IQSEC1: variants seen among roughly 807,000 people sequenced by gnomAD.
The protein encoded by IQSEC1 is IQ motif and Sec7 domain ArfGEF 1.
A neutral mutation model predicts 91.0 loss-of-function variants in IQSEC1; 31 were observed. The observed-to-expected ratio is 0.34, with a 90% confidence interval of 0.26 to 0.46. The LOEUF (loss-of-function observed/expected upper bound fraction) is 0.46. Ranked by LOEUF, IQSEC1 falls within the 20% of genes least tolerant of loss-of-function variation. IQSEC1 has a pLI of 1.00. For synonymous variants in IQSEC1, 699 were observed against 662.6 expected (o/e 1.05, Z -0.84); for missense variants, 1,388 against 1,575.6 (o/e 0.88, Z 2.02).
At chr3:12,964,609 G>A (rs151036723) in intron 1 of IQSEC1, among the ~76,000 whole-genome samples, 151 of 152,290 alleles carry the variant, frequency 9.9e-4, no homozygotes, top group African/African-American at 3.4e-3. Flanking sequence ...ATGAAGCAGT[G>A]TTATCATTCC....
At chr3:12,974,769 A>C (rs923056674) in intron 1 of IQSEC1, among the ~76,000 whole-genome samples, 4 of 152,150 alleles carry the variant, frequency 2.6e-5, no homozygotes, top group African/African-American at 9.7e-5. Context: ...TCAGCCCTTC[A>C]TACTCATCCC....
Position 12,911,716 on chromosome 3 carries a change from A to G in IQSEC1, c.2329T>C (p.Phe777Leu), listed in dbSNP as rs775502906. The part of the protein sequence containing the change: ...FNDLLVVTKI[F>L]QKKKNSVTYS... ...GTCACCGAGTTCTTCTTCTTCTGGA[A>G]GATCTTGGTGACCTAGAGGCAGCCA... The change falls in exon 10 of 14, where the codon TTC becomes CTC. Residue 777 changes from phenylalanine to leucine, a missense_variant. By Grantham distance (22) the Phe-to-Leu change is conservative. Around this residue, in one of 2 missense-constraint regions of IQSEC1, gnomAD observed 1,059 missense variants for 1,317.8 expected, o/e 0.80. Coordinates refer to ENST00000613206, the MANE Select transcript of IQSEC1 (RefSeq NM_001134382.3). The G allele has an allele frequency of 1.2e-6, 2 of 1,612,708 alleles. No individual in the cohort carries two copies. Among genetic ancestry groups the G allele is most frequent in the Non-Finnish European group, 1.7e-6 (2 of 1,179,676 alleles).
chr3:12,901,003 C>A lies in IQSEC1; in HGVS notation c.3325G>T (p.Gly1109Cys), dbSNP rs746398130. 9.1e-6 allele frequency: 14 copies of A among 1,543,590 alleles called. No homozygotes were observed. Among genetic ancestry groups the A allele is most frequent in the Non-Finnish European group, 1.0e-5 (12 of 1,146,022 alleles). The change falls in exon 14 of 14, where the codon GGC becomes TGC. Residue 1109 changes from glycine to cysteine, a missense_variant. Gly to Cys is a radical substitution (Grantham distance 159, BLOSUM62 -3). Around this residue, in one of 2 missense-constraint regions of IQSEC1, gnomAD observed 329 missense variants for 257.8 expected, o/e 1.28. Transcript: ENST00000613206. The part of the protein sequence containing the change: ...PPTSSKAKPS[G>C]ISTIV ...GCTGTCTACACAATTGTGCTGATGC[C>A]GCTGGGTTTGGCCTTGCTGCTGGTG...
chr3:13,277,855 A>C (rs780128904), intron 1 of IQSEC1, among the ~76,000 whole-genome samples: 2 of 152,056 alleles, frequency 1.3e-5, no homozygotes, highest in African/African-American at 2.4e-5. Flanking sequence ...CAGGAAATCC[A>C]ACCTAAGTGC....
At position 12,994,015 on chromosome 3, in the gene IQSEC1, G is replaced by A. The variant is rs370524546; in HGVS notation, c.24-52150C>T. Among the ~76,000 whole-genome samples, 26 of 150,066 alleles carry A rather than the reference G, an allele frequency of 1.7e-4. 1 individual carries two copies. Among genetic ancestry groups the A allele is most frequent in the Admixed American group, 5.3e-4 (8 of 15,098 alleles). On this transcript the variant is annotated intron_variant, in intron 1 of 13. Transcript: ENST00000613206. The surrounding 1 kb of genome is among the most constrained non-coding windows in gnomAD (Gnocchi z 4.5). The stretch of plus-strand genomic sequence containing the variant: ...GGGCATTCCCGGCTGCAGCCCCAGC[G>A]ACCCCCGCCCGGGGCCCCGCACCGC...
At chr3:13,280,472 C>T (rs1211568824) in intron 1 of IQSEC1, among the ~76,000 whole-genome samples, 1 of 152,240 alleles carries the variant, frequency 6.6e-6, no homozygotes, top group Non-Finnish European at 1.5e-5. Flanking sequence ...ATGCCCCCGT[C>T]CCTGTGAGTC....
intron 1 of IQSEC1, among the ~76,000 whole-genome samples, chr3:13,003,123 T>C (rs1476264123): frequency 1.3e-5 from 2 of 152,012 alleles, no homozygotes; most frequent in Non-Finnish European, 2.9e-5. Flanking sequence ...AGTGTATCCA[T>C]ACAATGGAAT....
intron 1 of IQSEC1, among the ~76,000 whole-genome samples, chr3:12,980,649 CG>C (rs1701406154): frequency 1.3e-5 from 2 of 152,272 alleles, no homozygotes; most frequent in Admixed American, 1.3e-4. Context: ...CTGCCATGCA[CG>C]GGGAGGGGAG....
chr3:13,281,424 G>C (rs1049497485), intron 1 of IQSEC1, among the ~76,000 whole-genome samples: 6 of 151,370 alleles, frequency 4.0e-5, no homozygotes. Flanking sequence ...CATTCACAGA[G>C]AGCAAGAGCC....
chr3:13,245,033 C>G (rs555949980), intron 1 of IQSEC1, among the ~76,000 whole-genome samples: 2 of 152,326 alleles, frequency 1.3e-5, no homozygotes, highest in East Asian at 3.9e-4. Context: ...TACAAACAAA[C>G]TGCCCCAAAA....
Position 13,072,334 on chromosome 3 carries a change from C to A in IQSEC1, c.23+658G>T, listed in dbSNP as rs191854345. ...GGAAGCTGGCATTCGAACCCCACTG[C>A]CCCCTGGGAAGCCTGGCTAACCGAA... On this transcript the variant is annotated intron_variant, in intron 1 of 13. Transcript: ENST00000613206. 1.8e-3 allele frequency among the ~76,000 whole-genome samples: 272 copies of A among 152,362 alleles called. 1 individual carries two copies. The highest frequency in any genetic ancestry group is 3.1e-3 in the Non-Finnish European group (211 of 68,034).
intron 1 of IQSEC1, among the ~76,000 whole-genome samples, chr3:13,232,056 A>G (rs1471145507): frequency 1.3e-5 from 2 of 152,206 alleles, no homozygotes; most frequent in East Asian, 1.9e-4. Flanking sequence ...CTTGGATCAT[A>G]ATTCACTTTC....
At chr3:13,088,402 G>A (rs573675129) in intron 2 of IQSEC1, among the ~76,000 whole-genome samples, 6 of 152,110 alleles carry the variant, frequency 3.9e-5, no homozygotes, top group African/African-American at 7.2e-5. Context: ...TTAGTATGCC[G>A]AGGCCCACCA....
At chr3:13,178,371 G>A (rs1306268430) in intron 1 of IQSEC1, among the ~76,000 whole-genome samples, 2 of 152,234 alleles carry the variant, frequency 1.3e-5, no homozygotes, top group African/African-American at 4.8e-5. Context: ...GCCAGGTCAG[G>A]GGTGTGGTCA....
chr3:13,221,781 A>G (rs1474620312), intron 1 of IQSEC1, among the ~76,000 whole-genome samples: 1 of 152,254 alleles, frequency 6.6e-6, no homozygotes. Flanking sequence ...CATCTGCCAC[A>G]AAACCGGGAA....
intron 6 of IQSEC1, among the ~76,000 whole-genome samples, chr3:12,916,309 A>T (rs550038992): frequency 6.6e-6 from 1 of 152,122 alleles, no homozygotes; most frequent in Non-Finnish European, 1.5e-5. Context: ...GAGCGGTGGG[A>T]GTGCTGCAGT....
At chr3:13,003,366 A>T (rs1409885320) in intron 1 of IQSEC1, among the ~76,000 whole-genome samples, 1 of 151,988 alleles carries the variant, frequency 6.6e-6, no homozygotes, top group African/African-American at 2.4e-5. Context: ...ACGCTAAGTG[A>T]ATAAAGCTAG....
chr3:12,960,269 T>C (rs1700164865), intron 1 of IQSEC1: 1 of 152,166 alleles, frequency 6.6e-6, no homozygotes, highest in African/African-American at 2.4e-5. Flanking sequence ...CTGAGGATCG[T>C]TCTTAGCCCA....
In IQSEC1 at chr3:12,994,331, A is replaced by G. The variant is rs1383358573; in HGVS notation, c.24-52466T>C. ...CCTGGCCTCAGTTTCCCCCCTCGGA[A>G]GGTGTGTGTGCGTGCGCGGCTGTGC... On this transcript the variant is annotated intron_variant, in intron 1 of 13. Coordinates refer to ENST00000613206, the MANE Select transcript of IQSEC1 (RefSeq NM_001134382.3). The surrounding 1 kb of genome is among the most constrained non-coding windows in gnomAD (Gnocchi z 4.5). Among the ~76,000 whole-genome samples the G allele has an allele frequency of 7.3e-5, 11 of 151,482 alleles. No individual in the cohort carries two copies. Among genetic ancestry groups the G allele is most frequent in the Non-Finnish European group, 1.6e-4 (11 of 67,812 alleles).
Sources: allele counts gnomAD v4.1 joint callset (sites outside exome capture counted in the v4.1 genomes callset), GRCh38; gene constraint gnomAD v4.1.1; regional missense constraint gnomAD v4.1.1; non-coding constraint Gnocchi (gnomAD v3.1); transcripts MANE v1.5; gene names NCBI Gene and HGNC (gene_info 2026-07-23, HGNC 2026-07-21).